The following NELL1 variants were observed in gnomAD, a reference collection of about 807,000 sequenced individuals.
NELL1 encodes protein kinase C-binding protein NELL1.
In NELL1, 76 loss-of-function variants were observed where a neutral mutation model predicts 107.4. The ratio of observed to expected loss-of-function variants is 0.71; its 90% CI spans 0.59 to 0.86. NELL1 has a LOEUF of 0.86. Among genes scored for constraint, NELL1 ranks in the 40% least tolerant of loss-of-function variants. The pLI, the probability that NELL1 is intolerant of heterozygous loss-of-function variation, is 0.00. For synonymous variants in NELL1, 353 were observed against 341.2 expected (o/e 1.03, Z -0.38); for missense variants, 1,024 against 1,005.5 (o/e 1.02, Z -0.25).
At chr11:21,372,250 C>A (rs1299975708) in intron 15 of NELL1, among the ~76,000 whole-genome samples, 1 of 150,924 alleles carries the variant, frequency 6.6e-6, no homozygotes, top group Non-Finnish European at 1.5e-5. Flanking sequence ...TACTGAACTA[C>A]ATTTAATTTT....
intron 4 of NELL1, among the ~76,000 whole-genome samples, chr11:20,881,147 G>A (rs1318155937): frequency 6.6e-6 from 1 of 152,166 alleles, no homozygotes; most frequent in Admixed American, 6.5e-5. Context: ...AGTAAGCCTA[G>A]TTAGGAATTT....
At chr11:21,534,281 T>A (rs1314677891) in intron 15 of NELL1, 93 bp from the exon 16 acceptor site, 16 of 1,407,126 alleles carry the variant, frequency 1.1e-5, no homozygotes, top group Non-Finnish European at 9.0e-6. Context: ...TTTTAATTGA[T>A]ATGTTGACAT....
At chr11:21,230,499 A>G (rs1858019351) in intron 14 of NELL1, among the ~76,000 whole-genome samples, 1 of 152,236 alleles carries the variant, frequency 6.6e-6, no homozygotes, top group Non-Finnish European at 1.5e-5. Flanking sequence ...TAACGAAAAA[A>G]TAGGCAACAT....
chr11:20,671,001 T>C (rs746492976), intron 1 of NELL1: 3 of 152,354 alleles, frequency 2.0e-5, no homozygotes, highest in African/African-American at 7.2e-5. Flanking sequence ...CGCTGGAAGA[T>C]CTAGCGTCTA....
At chr11:21,425,354 G>A (rs1852794356) in intron 15 of NELL1, among the ~76,000 whole-genome samples, 2 of 152,164 alleles carry the variant, frequency 1.3e-5, no homozygotes, top group Non-Finnish European at 2.9e-5. Context: ...GGAGGCTAAT[G>A]TTCTTCCCCA....
At chr11:21,258,630 A>C (rs902955133) in intron 14 of NELL1, among the ~76,000 whole-genome samples, 1 of 151,848 alleles carries the variant, frequency 6.6e-6, no homozygotes, top group African/African-American at 2.4e-5. Flanking sequence ...CCACCTAGGT[A>C]ATGGAGGGCA....
At chr11:21,238,261 C>A (rs1055538509) in intron 14 of NELL1, among the ~76,000 whole-genome samples, 2 of 152,014 alleles carry the variant, frequency 1.3e-5, no homozygotes, top group African/African-American at 4.8e-5. Context: ...ATCACAAATA[C>A]AACTATTTCT....
chr11:21,403,127 C>T (rs1852138397), intron 15 of NELL1, among the ~76,000 whole-genome samples: 1 of 151,768 alleles, frequency 6.6e-6, no homozygotes, highest in African/African-American at 2.4e-5. Flanking sequence ...AAGCCACATA[C>T]TCTATTTTCA....
intron 19 of NELL1, 54 bp from the exon 20 acceptor site, chr11:21,574,915 ACTG>A: frequency 6.9e-7 from 1 of 1,449,050 alleles, no homozygotes; most frequent in Non-Finnish European, 9.7e-7. Context: ...AAAATTGCAG[ACTG>A]CTAATTTATA....
chr11:21,216,571 G>C (rs1437827128), intron 13 of NELL1, among the ~76,000 whole-genome samples: 1 of 152,202 alleles, frequency 6.6e-6, no homozygotes, highest in Admixed American at 6.5e-5. Flanking sequence ...TCTTGCATCA[G>C]CATGCCCTGG....
intron 15 of NELL1, among the ~76,000 whole-genome samples, chr11:21,379,559 G>T (rs1230398764): frequency 6.6e-6 from 1 of 151,922 alleles, no homozygotes; most frequent in Non-Finnish European, 1.5e-5. Flanking sequence ...TTGCTTATAT[G>T]ATTTTCCAAT....
intron 16 of NELL1, among the ~76,000 whole-genome samples, chr11:21,546,463 A>G (rs1223843047): frequency 2.6e-5 from 4 of 151,968 alleles, no homozygotes; most frequent in African/African-American, 7.2e-5. Flanking sequence ...TTGTAGCTTC[A>G]ATAATCCCCA....
intron 11 of NELL1, among the ~76,000 whole-genome samples, chr11:20,948,696 T>C (rs1851011560): frequency 6.7e-6 from 1 of 149,288 alleles, no homozygotes; most frequent in Non-Finnish European, 1.5e-5. Flanking sequence ...AAGTATCACT[T>C]CCTCTCTGCA....
At chr11:21,175,065 C>G (rs1856684029) in intron 13 of NELL1, among the ~76,000 whole-genome samples, 1 of 151,816 alleles carries the variant, frequency 6.6e-6, no homozygotes, top group Non-Finnish European at 1.5e-5. Context: ...AGAAATAATT[C>G]TACTCCAGGC....
intron 14 of NELL1, among the ~76,000 whole-genome samples, chr11:21,369,105 T>G (rs1489644993): frequency 6.6e-6 from 1 of 152,064 alleles, no homozygotes; most frequent in Non-Finnish European, 1.5e-5. Context: ...TGAAGTGCAG[T>G]TTCAACTCTG....
At chr11:21,335,707 A>G (rs7938929) in intron 14 of NELL1, among the ~76,000 whole-genome samples, 76,430 of 151,606 alleles carry the variant, frequency 0.5, 19,586 homozygotes, top group Admixed American at 0.62. Flanking sequence ...CTAAAAACGC[A>G]AATCCATTTG....
At chr11:20,770,509 G>A (rs747337755) in intron 2 of NELL1, among the ~76,000 whole-genome samples, 7 of 152,204 alleles carry the variant, frequency 4.6e-5, no homozygotes, top group Non-Finnish European at 1.0e-4. Flanking sequence ...GCACAAGGTT[G>A]AAGGCTGATA....
intron 14 of NELL1, among the ~76,000 whole-genome samples, chr11:21,252,247 G>A (rs982235406): frequency 9.2e-5 from 14 of 152,118 alleles, no homozygotes; most frequent in African/African-American, 3.4e-4. Flanking sequence ...TAGGTAACTA[G>A]GATCTTGAGA....
chr11:20,750,745 C>G (rs1023832902), intron 2 of NELL1, among the ~76,000 whole-genome samples: 5 of 152,004 alleles, frequency 3.3e-5, no homozygotes, highest in Non-Finnish European at 5.9e-5. Context: ...CACCACCACA[C>G]CTGGCTAATT....
Sources: allele counts gnomAD v4.1 joint callset (sites outside exome capture counted in the v4.1 genomes callset), GRCh38; gene constraint gnomAD v4.1.1; transcripts MANE v1.5; gene names NCBI Gene and HGNC (gene_info 2026-07-23, HGNC 2026-07-21).